Variants in WDR89 observed in about 807,000 individuals in gnomAD.
WDR89 encodes WD repeat domain 89, also known as WD repeat-containing protein 89.
In WDR89, 17 loss-of-function variants were observed where a neutral mutation model predicts 29.1. The ratio of observed to expected loss-of-function variants is 0.58; its 90% confidence interval spans 0.40 to 0.88. The LOEUF is 0.88. Ranked by LOEUF, WDR89 falls within the 40% of genes least tolerant of loss-of-function variation. The pLI, the probability that WDR89 is intolerant of heterozygous loss-of-function variation, is 0.00. For missense variants in WDR89, 396 were observed against 456.3 expected, an observed-to-expected ratio of 0.87 and a Z score of 1.20; for synonymous variants, 138 against 157.8, an observed-to-expected ratio of 0.87 and a Z score of 0.94.
chr14:63,616,113 A>C (rs1230703835), intron 2 of WDR89, among the ~76,000 whole-genome samples: 1 of 151,892 alleles, frequency 6.6e-6, no homozygotes, highest in Non-Finnish European at 1.5e-5. Flanking sequence ...TTAGAGCTAA[A>C]TGTACAGGGC....
At chr14:63,605,166 CTATATATA>C (rs112149490) in intron 2 of WDR89, among the ~76,000 whole-genome samples, 5 of 143,890 alleles carry the variant, frequency 3.5e-5, no homozygotes, top group African/African-American at 8.2e-5. Context: ...CTCTCTCTCT[CTATATATA>C]TATATATACA....
chr14:63,628,043 C>T (rs968476584), intron 1 of WDR89, among the ~76,000 whole-genome samples: 1 of 152,110 alleles, frequency 6.6e-6, no homozygotes, highest in East Asian at 1.9e-4. Flanking sequence ...TGAGACCAGG[C>T]CAGGCAACAT....
chr14:63,610,219 TAAAAAAAAAAA>T (rs56984803), intron 2 of WDR89, among the ~76,000 whole-genome samples: 2 of 65,326 alleles, frequency 3.1e-5, no homozygotes, highest in Admixed American at 1.9e-4. Flanking sequence ...GACTCTGTCT[TAAAAAAAAAAA>T]AAAAAAAAAA....
At chr14:63,640,269 G>C (rs766028246) in intron 1 of WDR89, among the ~76,000 whole-genome samples, 2 of 152,136 alleles carry the variant, frequency 1.3e-5, no homozygotes, top group Non-Finnish European at 2.9e-5. Flanking sequence ...ACAGTCACGT[G>C]GCTTTCATCG....
At chr14:63,622,813 G>C (rs888083280) in intron 2 of WDR89, among the ~76,000 whole-genome samples, 1 of 152,084 alleles carries the variant, frequency 6.6e-6, no homozygotes. Context: ...AATAGTGACA[G>C]GATGAGAGGA....
At chr14:63,615,957 T>A (rs546911924) in intron 2 of WDR89, among the ~76,000 whole-genome samples, 1 of 150,146 alleles carries the variant, frequency 6.7e-6, no homozygotes, top group Non-Finnish European at 1.5e-5. Context: ...CAAAAACAAT[T>A]CTTGGCCAGG....
rs764140916 is a variant in WDR89 at position 63,599,906 on chromosome 14, T to C, written c.37A>G (p.Ile13Val). 7 of 1,607,342 alleles carry C rather than the reference T, an allele frequency of 4.4e-6. No homozygotes were observed. Among genetic ancestry groups the C allele is most frequent in the East Asian group, 2.2e-5 (1 of 44,736 alleles). ...KIEEQFANLH[I>V]VKCSLGTKEP... ...TTGGTTCCTAAGGAACATTTAACAA[T>C]GTGCAGATTAGCAAATTGTTCCTCA... The change falls in exon 3 of 3, where the codon ATT becomes GTT. Residue 13 changes from isoleucine to valine, a missense_variant. Coordinates refer to ENST00000620954, the MANE Select transcript of WDR89 (RefSeq NM_080666.4).
chr14:63,622,137 CAAAGT>C (rs1460299880), intron 2 of WDR89, among the ~76,000 whole-genome samples: 5 of 152,152 alleles, frequency 3.3e-5, no homozygotes, highest in African/African-American at 1.2e-4. Flanking sequence ...TATGACAGGT[CAAAGT>C]AAAGTGCACC....
intron 1 of WDR89, among the ~76,000 whole-genome samples, chr14:63,628,131 G>A (rs1293778434): frequency 2.0e-5 from 3 of 152,114 alleles, no homozygotes; most frequent in African/African-American, 7.2e-5. Context: ...CAGCTACTTG[G>A]GGGAGCTGAA....
chr14:63,617,272 G>T (rs1378191802), intron 2 of WDR89, among the ~76,000 whole-genome samples: 3 of 151,692 alleles, frequency 2.0e-5, no homozygotes, highest in African/African-American at 7.3e-5. Flanking sequence ...GTAGAGATGG[G>T]GTTTCACCAT....
chr14:63,629,507 T>C (rs539498031), intron 1 of WDR89, among the ~76,000 whole-genome samples: 49 of 152,372 alleles, frequency 3.2e-4, no homozygotes, highest in African/African-American at 1.2e-3. Context: ...CAGGAACAGT[T>C]TACTTTCTTG....
At chr14:63,634,053 C>T (rs1453690248) in intron 1 of WDR89, among the ~76,000 whole-genome samples, 3 of 152,140 alleles carry the variant, frequency 2.0e-5, no homozygotes, top group Admixed American at 6.5e-5. Context: ...GGACATAATT[C>T]CAATCTCCAA....
chr14:63,622,779 T>C (rs1882786657), intron 2 of WDR89, among the ~76,000 whole-genome samples: 1 of 151,766 alleles, frequency 6.6e-6, no homozygotes, highest in African/African-American at 2.4e-5. Flanking sequence ...AATAAATAAG[T>C]AAATAAATAA....
intron 1 of WDR89, among the ~76,000 whole-genome samples, chr14:63,630,294 T>C (rs1883313345): frequency 6.6e-6 from 1 of 151,634 alleles, no homozygotes; most frequent in Admixed American, 6.6e-5. Context: ...AGAAGATGGA[T>C]TTAAATAGGG....
chr14:63,630,193 C>T (rs1013133192), intron 1 of WDR89, among the ~76,000 whole-genome samples: 1 of 151,752 alleles, frequency 6.6e-6, no homozygotes, highest in Non-Finnish European at 1.5e-5. Flanking sequence ...GGTGGTCCAC[C>T]TGCCTCGGCC....
intron 1 of WDR89, among the ~76,000 whole-genome samples, chr14:63,625,825 G>C (rs551836968): frequency 1.3e-5 from 2 of 151,020 alleles, no homozygotes; most frequent in East Asian, 3.9e-4. Flanking sequence ...TAAACACAAA[G>C]AAGCAAAACA....
In WDR89 at chr14:63,597,996, G is replaced by A. The variant is rs977893657; in HGVS notation, c.*783C>T. The A allele has an allele frequency of 1.3e-5, 2 of 152,208 alleles. No individual in the cohort carries two copies. The highest frequency in any genetic ancestry group is 4.8e-5 in the African/African-American group (2 of 41,452). 9.4% of individuals were successfully genotyped at this position (152,208 alleles called of 1,614,324 possible). ...AGACGTTAGGAGGTGAAATGGCACAGGACTTGGTGAAAAACTGGTTAGGAG... is the reference window on the plus strand; with the variant it reads ...AGACGTTAGGAGGTGAAATGGCACAAGACTTGGTGAAAAACTGGTTAGGAG... On this transcript the variant is annotated 3_prime_UTR_variant, in exon 3 of 3. Coordinates refer to ENST00000620954, the MANE Select transcript of WDR89 (RefSeq NM_080666.4).
At chr14:63,603,517 T>G (rs1163072404) in intron 2 of WDR89, among the ~76,000 whole-genome samples, 2 of 152,242 alleles carry the variant, frequency 1.3e-5, no homozygotes, top group African/African-American at 4.8e-5. Flanking sequence ...AGTCCTTTTC[T>G]ATCATTCTTT....
At chr14:63,624,165 G>C (rs1443055380) in intron 2 of WDR89, among the ~76,000 whole-genome samples, 3 of 152,062 alleles carry the variant, frequency 2.0e-5, no homozygotes, top group African/African-American at 7.2e-5. Context: ...CTTTTGAACA[G>C]TCAAGAAAAT....
Sources: allele counts gnomAD v4.1 joint callset (sites outside exome capture counted in the v4.1 genomes callset), GRCh38; gene constraint gnomAD v4.1.1; transcripts MANE v1.5; gene names NCBI Gene and HGNC (gene_info 2026-07-23, HGNC 2026-07-21).